The following GAREM1 variants were observed in gnomAD, a reference collection of about 807,000 sequenced individuals.
GAREM1 encodes the protein GRB2-associated and regulator of MAPK protein 1.
Under a neutral mutation model 71.3 loss-of-function variants are expected in GAREM1, and 26 were observed. The ratio of observed to expected loss-of-function variants is 0.36; its 90% CI spans 0.27 to 0.51. The LOEUF (loss-of-function observed/expected upper bound fraction) is 0.51. Among genes scored for constraint, GAREM1 ranks in the 20% least tolerant of loss-of-function variants. The pLI is 0.95. For synonymous variants in GAREM1, 440 were observed against 433.2 expected (o/e 1.02, Z -0.20); for missense variants, 1,026 against 1,103.1 (o/e 0.93, Z 0.99).
intron 1 of GAREM1, among the ~76,000 whole-genome samples, chr18:32,403,120 C>T (rs552860424): frequency 3.3e-5 from 5 of 152,246 alleles, no homozygotes; most frequent in Non-Finnish European, 7.4e-5. Context: ...GTTGGCCAGG[C>T]TGGTCTCAAA....
Position 32,268,359 on chromosome 18 carries a change from C to T in GAREM1, c.2143G>A (p.Val715Met). The part of the protein sequence containing the change: ...STDVKSLAAG[V>M]TKQSTSCPAL... ...GGGCATGACGTACTCTGCTTTGTCA[C>T]ACCAGCTGCAAGAGATTTCACATCT... Residue 715 changes from valine (V) to methionine (M), a missense_variant, in exon 6 of 6, where the codon GTG (valine) becomes ATG (methionine). By Grantham distance (21) the Val-to-Met change is conservative (BLOSUM62 1). This residue lies in a region of GAREM1 where 636 missense variants were observed against 631.2 expected (regional missense o/e 1.01). Coordinates refer to ENST00000269209, the MANE Select transcript of GAREM1 (RefSeq NM_001242409.2). 6.2e-7 allele frequency: 1 copy of T among 1,614,154 alleles called. No homozygotes were observed. The highest frequency in any genetic ancestry group is 8.5e-7 in the Non-Finnish European group (1 of 1,180,030).
chr18:32,308,629 G>A (rs886607746), intron 3 of GAREM1, among the ~76,000 whole-genome samples: 1 of 149,834 alleles, frequency 6.7e-6, no homozygotes, highest in Non-Finnish European at 1.5e-5. Context: ...TGACCAATGA[G>A]TCTAGGTATG....
intron 4 of GAREM1, among the ~76,000 whole-genome samples, chr18:32,278,955 G>A (rs1031898660): frequency 6.6e-6 from 1 of 152,132 alleles, no homozygotes; most frequent in African/African-American, 2.4e-5. Flanking sequence ...CCAGCCTCAG[G>A]CAAGGGAGGC....
intron 2 of GAREM1, among the ~76,000 whole-genome samples, chr18:32,324,331 T>C (rs115753937): frequency 2.0e-4 from 30 of 152,332 alleles, no homozygotes; most frequent in African/African-American, 7.0e-4. Flanking sequence ...TATTTCTCAA[T>C]TGAAACATGA....
At position 32,364,012 on chromosome 18, in the gene GAREM1, ATATATATATATATATGTTTTTTT is replaced by A. The variant is rs1567980649; in HGVS notation, c.262+28860_262+28882del. On this transcript the variant is annotated intron_variant, in intron 2 of 5. Transcript: ENST00000269209. ...CATATATACATATATATATATATAT[ATATATATATATATATGTTTTTTT>A]TTTTTTTTTTTTTTTGTGAGACACA... Among the ~76,000 whole-genome samples the A allele has an allele frequency of 5.6e-4, 29 of 51,466 alleles. 1 individual carries two copies. The highest frequency in any genetic ancestry group is 2.8e-3 in the African/African-American group (25 of 8,814). 33.8% of individuals were successfully genotyped at this position (51,466 alleles called of 152,430 possible). A position where few individuals can be genotyped will look rare whatever the true frequency, so the allele number is the denominator to read the frequency against.
At chr18:32,306,591 G>C (rs1362977409) in intron 3 of GAREM1, among the ~76,000 whole-genome samples, 3 of 152,076 alleles carry the variant, frequency 2.0e-5, no homozygotes, top group Non-Finnish European at 4.4e-5. Flanking sequence ...ACTGGTACAG[G>C]TAAACTCAAC....
At chr18:32,268,821 C>A in intron 5 of GAREM1, 53 bp from the exon 6 acceptor site, 1 of 1,485,220 alleles carries the variant, frequency 6.7e-7, no homozygotes, top group South Asian at 1.3e-5. Flanking sequence ...AGCCAAATCC[C>A]AAGGCTTTTG....
Position 32,366,966 on chromosome 18 carries a change from C to T in GAREM1, c.262+25929G>A, listed in dbSNP as rs186928742. Among the ~76,000 whole-genome samples, 35 of 152,338 alleles carry T rather than the reference C, an allele frequency of 2.3e-4. No individual in the cohort carries two copies. The East Asian group carries it at 4.8e-3, about 21-fold the overall frequency. ...ACAGTGAACACCCTGTCAAAAAGTA[C>T]TCTGAATAATCTCTCCTAAGCTCTT... is the stretch of plus-strand genomic sequence containing the variant. On this transcript the variant is annotated intron_variant, in intron 2 of 5. Coordinates refer to ENST00000269209, the MANE Select transcript of GAREM1 (RefSeq NM_001242409.2).
chr18:32,292,387 A>C (rs1034468562), intron 3 of GAREM1, among the ~76,000 whole-genome samples: 3 of 152,184 alleles, frequency 2.0e-5, no homozygotes, highest in Non-Finnish European at 4.4e-5. Flanking sequence ...ATGCAAATGG[A>C]AACAAATGCA....
intron 1 of GAREM1, among the ~76,000 whole-genome samples, chr18:32,427,052 A>G (rs2048582673): frequency 6.6e-6 from 1 of 152,158 alleles, no homozygotes; most frequent in Non-Finnish European, 1.5e-5. Context: ...GAGACCTAAT[A>G]AATTTTAATC....
Position 32,268,405 on chromosome 18 carries a change from G to A in GAREM1, c.2097C>T (p.Ala699=). 3.1e-6 allele frequency: 5 copies of A among 1,614,180 alleles called. No individual in the cohort carries two copies. The highest frequency in any genetic ancestry group is 4.2e-6 in the Non-Finnish European group (5 of 1,180,018). ...SSSVSGCPKS[A]SYSLESTDVK... is the part of the protein sequence containing the mutation. ...CATCTGTGCTCTCCAGAGAGTAGCTGGCTGACTTGGGACAACCAGAGACGC... is the reference window on the plus strand; with the variant it reads ...CATCTGTGCTCTCCAGAGAGTAGCTAGCTGACTTGGGACAACCAGAGACGC... Residue 699 remains alanine, a synonymous_variant, in exon 6 of 6, where the codon GCC becomes GCT. Transcript: ENST00000269209.
At chr18:32,285,784 T>G (rs1036014818) in intron 4 of GAREM1, among the ~76,000 whole-genome samples, 3 of 152,234 alleles carry the variant, frequency 2.0e-5, no homozygotes, top group African/African-American at 7.2e-5. Context: ...TACGAGGGGA[T>G]AGAGTCCAGG....
intron 1 of GAREM1, among the ~76,000 whole-genome samples, chr18:32,466,834 T>C (rs1350129414): frequency 6.6e-6 from 1 of 152,218 alleles, no homozygotes; most frequent in Non-Finnish European, 1.5e-5. Context: ...CCTCAGCTGA[T>C]GAGATACATC....
chr18:32,385,308 C>A (rs935178420), intron 2 of GAREM1, among the ~76,000 whole-genome samples: 3 of 151,880 alleles, frequency 2.0e-5, no homozygotes, highest in African/African-American at 7.3e-5. Context: ...ACCTTTCACT[C>A]ATTTTTAACT....
intron 2 of GAREM1, among the ~76,000 whole-genome samples, chr18:32,380,474 TAAA>T (rs35881689): frequency 4.3e-5 from 4 of 92,438 alleles, no homozygotes; most frequent in South Asian, 3.8e-4. Flanking sequence ...AGACTTCATT[TAAA>T]AAAAAAAAAA....
At chr18:32,455,432 A>G (rs182249221) in intron 1 of GAREM1, among the ~76,000 whole-genome samples, 1 of 152,286 alleles carries the variant, frequency 6.6e-6, no homozygotes, top group Non-Finnish European at 1.5e-5. Flanking sequence ...ATAATGGGGG[A>G]AATACACTTT....
chr18:32,295,205 C>T (rs1183190011), intron 3 of GAREM1, among the ~76,000 whole-genome samples: 8 of 152,056 alleles, frequency 5.3e-5, no homozygotes, highest in Admixed American at 2.0e-4. Context: ...GCTGTGATTA[C>T]AGGAGTGAGC....
At chr18:32,371,442 T>C (rs1388473353) in intron 2 of GAREM1, among the ~76,000 whole-genome samples, 1 of 152,150 alleles carries the variant, frequency 6.6e-6, no homozygotes, top group African/African-American at 2.4e-5. Flanking sequence ...AGAGTTTGTA[T>C]TAGGGCAGCA....
chr18:32,342,690 G>C (rs2047658668), intron 2 of GAREM1, among the ~76,000 whole-genome samples: 1 of 152,096 alleles, frequency 6.6e-6, no homozygotes, highest in Admixed American at 6.6e-5. Flanking sequence ...TCTTTGTTTG[G>C]AATCCCCAAC....
Sources: gnomAD v4.1 joint callset for allele counts (sites outside exome capture counted in the v4.1 genomes callset) on GRCh38, gnomAD v4.1.1 for gene constraint, gnomAD v4.1.1 regional missense constraint, MANE v1.5 for transcripts, NCBI Gene and HGNC (gene_info 2026-07-23, HGNC 2026-07-21) for gene names.